Variants in ZNF600 observed in about 807,000 individuals in gnomAD.
ZNF600 encodes the protein zinc finger protein KR-ZNF1.
In ZNF600, 4 loss-of-function variants were observed where a neutral mutation model predicts 7.3. That is an observed-to-expected ratio of 0.55 (90% CI 0.27 to 1.25). The LOEUF is 1.25. Among genes scored for constraint, ZNF600 ranks in the 50% most tolerant of loss-of-function variants. The pLI is 0.12. For synonymous variants in ZNF600, 290 were observed against 308.9 expected, an observed-to-expected ratio of 0.94 and a Z score of 0.64; for missense variants, 911 against 922.1, an observed-to-expected ratio of 0.99 and a Z score of 0.16.
At chr19:52,812,672 GT>G in the ZNF600 span, among the ~76,000 whole-genome samples, 1 of 125,228 alleles carries the variant, frequency 8.0e-6, no homozygotes, top group Non-Finnish European at 1.6e-5. Context: ...AGAGACCTTT[GT>G]TCACTTGTTT....
chr19:52,781,292 G>A (rs143976835), intron 1 of ZNF600, 25 bp downstream of exon 2: 1 of 152,186 alleles, frequency 6.6e-6, no homozygotes, highest in African/African-American at 2.4e-5. Flanking sequence ...GTCACTGACT[G>A]AGCTTTTCCG....
upstream of ZNF600, among the ~76,000 whole-genome samples, chr19:52,790,265 A>G (rs2062787916): frequency 6.6e-6 from 1 of 152,168 alleles, no homozygotes; most frequent in African/African-American, 2.4e-5. Flanking sequence ...TTAGGAGGCC[A>G]AGAAGGGCAG....
At chr19:52,766,123 G>T (rs373958373) in exon 4 of ZNF600, 2 of 1,613,822 alleles carry the variant, frequency 1.2e-6, no homozygotes, top group South Asian at 1.1e-5. Flanking sequence ...TGAAGTCTAC[G>T]ATGGCAATGA....
At chr19:52,826,691 A>G in the ZNF600 span, among the ~76,000 whole-genome samples, 1 of 151,866 alleles carries the variant, frequency 6.6e-6, no homozygotes, top group Non-Finnish European at 1.5e-5. Context: ...GGGTGACAGA[A>G]TGAGGCTCCA....
At chr19:52,765,244 T>G (rs1371810308) in exon 4 of ZNF600, 27 of 566,030 alleles carry the variant, frequency 4.8e-5, no homozygotes, top group African/African-American at 7.5e-5. Flanking sequence ...TTGCCACACT[T>G]CTGACATTTG....
exon 4 of ZNF600, chr19:52,766,453 T>C (rs1474264148): frequency 6.2e-6 from 10 of 1,614,012 alleles, no homozygotes; most frequent in South Asian, 1.1e-5. Flanking sequence ...CCAGTATGAA[T>C]TGACTTATGA....
At chr19:52,819,202 C>T in the ZNF600 span, among the ~76,000 whole-genome samples, 1 of 135,664 alleles carries the variant, frequency 7.4e-6, no homozygotes, top group Non-Finnish European at 1.6e-5. Flanking sequence ...TGGCAGGGAC[C>T]CTGAACACAG....
the ZNF600 span, among the ~76,000 whole-genome samples, chr19:52,823,533 T>C: frequency 5.9e-5 from 9 of 152,160 alleles, no homozygotes; most frequent in Non-Finnish European, 1.2e-4. Flanking sequence ...CTCTTAGAAG[T>C]TGCGCCTGCA....
chr19:52,789,829 T>C (rs1715084228), upstream of ZNF600, among the ~76,000 whole-genome samples: 1 of 152,144 alleles, frequency 6.6e-6, no homozygotes, highest in Non-Finnish European at 1.5e-5. Flanking sequence ...AACATGGCTG[T>C]TTATTTCACC....
chr19:52,784,788 G>A (rs2062750565), intron 1 of ZNF600, among the ~76,000 whole-genome samples: 1 of 152,146 alleles, frequency 6.6e-6, no homozygotes, highest in African/African-American at 2.4e-5. Flanking sequence ...GAGTACAGTG[G>A]CATGATCTCT....
the ZNF600 span, chr19:52,821,742 C>G: frequency 2.0e-5 from 3 of 152,100 alleles, no homozygotes; most frequent in Non-Finnish European, 4.4e-5. Flanking sequence ...GAGACCTTGC[C>G]CTTTAGAACC....
At chr19:52,797,154 T>C in the ZNF600 span, among the ~76,000 whole-genome samples, 1 of 152,220 alleles carries the variant, frequency 6.6e-6, no homozygotes, top group African/African-American at 2.4e-5. Flanking sequence ...TCAATACATG[T>C]AGAAAAAGCA....
the ZNF600 span, among the ~76,000 whole-genome samples, chr19:52,822,661 G>A: frequency 1.3e-5 from 2 of 152,232 alleles, no homozygotes; most frequent in East Asian, 1.9e-4. Flanking sequence ...AGCCTTGGTC[G>A]CACATAGTTC....
chr19:52,774,375 G>A (rs182386879), intron 3 of ZNF600, among the ~76,000 whole-genome samples, 200 bp downstream of exon 5: 429 of 150,772 alleles, frequency 2.8e-3, no homozygotes, highest in African/African-American at 9.8e-3. Context: ...GTTGCGGTGA[G>A]CCAAGATCAT....
Position 52,766,693 on chromosome 19 carries a change from CT to C in ZNF600, c.1269del (p.Glu424ArgfsTer48). On this transcript the variant is annotated frameshift_variant, in exon 4 of 4. Coordinates refer to ENST00000648973, the Ensembl canonical transcript of ZNF600. LOFTEE classifies it low-confidence loss of function (END_TRUNC). ...CACTCATTACACTTGTAAGTTTTCT[CT>C]CCAGTGTGAATTCTTTTATGTCTTG... 1 of 1,614,074 alleles carries C rather than the reference CT, an allele frequency of 6.2e-7. No homozygotes were observed. The highest frequency in any genetic ancestry group is 1.3e-5 in the African/African-American group (1 of 75,014).
At chr19:52,801,073 G>C in the ZNF600 span, 1 of 1,614,090 alleles carries the variant, frequency 6.2e-7, no homozygotes, top group Non-Finnish European at 8.5e-7. Context: ...TGGCATGCAA[G>C]GTATCGCTTC....
chr19:52,822,328 T>C, the ZNF600 span, among the ~76,000 whole-genome samples: 1 of 152,054 alleles, frequency 6.6e-6, no homozygotes, highest in African/African-American at 2.4e-5. Context: ...TGCCTTGGCC[T>C]CCCCAAGTGC....
In ZNF600 at chr19:52,778,911, T is replaced by C. The variant is rs145838881; in HGVS notation, c.-19-4A>G. 427 of 1,585,292 alleles carry C rather than the reference T, an allele frequency of 2.7e-4. 1 individual carries two copies. The African/African-American group carries it at 5.3e-3, about 19-fold the overall frequency. On this transcript the variant is annotated splice_polypyrimidine_tract_variant and splice_region_variant and intron_variant, in intron 1 of 3. Transcript: ENST00000648973. ...CATGAGTCTTTAGGAATCAATCCTG[T>C]ATGTGAAAAAAAATGAGACTTCTTG... is the stretch of plus-strand genomic sequence containing the variant.
the ZNF600 span, among the ~76,000 whole-genome samples, chr19:52,816,344 C>T: frequency 6.8e-6 from 1 of 146,280 alleles, no homozygotes; most frequent in Admixed American, 6.9e-5. Flanking sequence ...CATGGTGAAA[C>T]CCTGTTTCTA....
Sources: allele counts gnomAD v4.1 joint callset (sites outside exome capture counted in the v4.1 genomes callset), GRCh38; gene constraint gnomAD v4.1.1; transcripts MANE v1.5; gene names NCBI Gene and HGNC (gene_info 2026-07-23, HGNC 2026-07-21).